DZIP1L: variants seen among roughly 807,000 people sequenced by gnomAD.
DZIP1L encodes DAZ interacting zinc finger protein 1 like.
DZIP1L carries 90 observed loss-of-function variants against 88.7 expected under a neutral mutation model. The ratio of observed to expected loss-of-function variants is 1.02; its 90% confidence interval spans 0.86 to 1.21. The LOEUF is 1.21. DZIP1L is among the 50% of genes most tolerant of loss of function. The pLI is 0.00. For missense variants in DZIP1L, 932 were observed against 955.8 expected (o/e 0.98, Z 0.33); for synonymous variants, 363 against 372.1 (o/e 0.98, Z 0.28).
intron 2 of DZIP1L, chr3:138,103,050 C>T: frequency 2.3e-6 from 1 of 434,994 alleles, no homozygotes; most frequent in Non-Finnish European, 4.2e-6. Context: ...TCCTTTATAA[C>T]ATAGTACAAG....
intron 9 of DZIP1L, 133 bp downstream of exon 9, chr3:138,081,599 GCC>G: frequency 1.2e-6 from 1 of 851,120 alleles, no homozygotes; most frequent in Non-Finnish European, 1.8e-6. Context: ...TGGCCCAGAA[GCC>G]TGACACTACA....
intron 5 of DZIP1L, among the ~76,000 whole-genome samples, chr3:138,090,623 G>A (rs1269324570): frequency 6.6e-6 from 1 of 152,034 alleles, no homozygotes; most frequent in Non-Finnish European, 1.5e-5. Flanking sequence ...TCCACCTTTG[G>A]CTTTCCATCT....
intron 9 of DZIP1L, 55 bp downstream of exon 9, chr3:138,081,678 GA>G: frequency 1.3e-6 from 2 of 1,557,270 alleles, no homozygotes; most frequent in Non-Finnish European, 1.7e-6. Context: ...AAAGGAGGGA[GA>G]AAAGCCAGAG....
At position 138,077,897 on chromosome 3, in the gene DZIP1L, G is replaced by C. The variant is rs578124972; in HGVS notation, c.1289-265C>G. 1.1e-4 allele frequency among the ~76,000 whole-genome samples: 17 copies of C among 152,240 alleles called. No homozygotes were observed. The South Asian group carries it at 3.5e-3, about 32-fold the overall frequency. ...CGTTTCCATGCCAGGCTCAATTCTG[G>C]TCCAGGTGATAAACTGGTGGACAAG... On this transcript the variant is annotated intron_variant, in intron 10 of 15. Transcript: ENST00000327532.
At chr3:138,093,218 T>C (rs1944315105) in intron 4 of DZIP1L, among the ~76,000 whole-genome samples, 1 of 152,168 alleles carries the variant, frequency 6.6e-6, no homozygotes, top group South Asian at 2.1e-4. Flanking sequence ...ACAACACAAA[T>C]CTCCTTGTAC....
chr3:138,072,079 G>A (rs980874181), intron 11 of DZIP1L, among the ~76,000 whole-genome samples: 16 of 152,222 alleles, frequency 1.1e-4, no homozygotes, highest in African/African-American at 3.9e-4. Flanking sequence ...ATAATGCAAA[G>A]GACTGCGTCA....
At chr3:138,071,923 G>T in intron 11 of DZIP1L, 88 bp from the exon 12 acceptor site, 1 of 1,313,822 alleles carries the variant, frequency 7.6e-7, no homozygotes. Flanking sequence ...CTGCTGGCCT[G>T]GGAGTCTGTG....
intron 4 of DZIP1L, among the ~76,000 whole-genome samples, chr3:138,094,577 C>T (rs2107815762): frequency 6.6e-6 from 1 of 152,242 alleles, no homozygotes; most frequent in Non-Finnish European, 1.5e-5. Flanking sequence ...GCATTGTGTA[C>T]GAAGCTAAAA....
rs114522448 is a variant in DZIP1L at position 138,088,923 on chromosome 3, C to A, written c.871-416G>T. On this transcript the variant is annotated intron_variant, in intron 5 of 15. Coordinates refer to ENST00000327532, the MANE Select transcript of DZIP1L (RefSeq NM_173543.3). ...TCCTGCCTCTCTCCCTACAAAACATCCTGGCTGTCTCCAGAAAGGGCTTTG... is the reference window on the plus strand; with the variant it reads ...TCCTGCCTCTCTCCCTACAAAACATACTGGCTGTCTCCAGAAAGGGCTTTG... The A allele has an allele frequency of 1.8e-3, 1,786 of 986,592 alleles. 26 individuals carry two copies. In the African/African-American group the frequency reaches 0.03, roughly 16 times the overall value. 61.1% of individuals were successfully genotyped at this position (986,592 alleles called of 1,614,324 possible).
At chr3:138,064,061 G>A (rs1263313084) in intron 15 of DZIP1L, among the ~76,000 whole-genome samples, 1 of 152,170 alleles carries the variant, frequency 6.6e-6, no homozygotes, top group Non-Finnish European at 1.5e-5. Flanking sequence ...ATGATGCTGG[G>A]GAAGCCCAAC....
At chr3:138,068,548 G>T (rs1255415489) in intron 12 of DZIP1L, among the ~76,000 whole-genome samples, 181 bp from the exon 13 acceptor site, 1 of 152,156 alleles carries the variant, frequency 6.6e-6, no homozygotes, top group Admixed American at 6.5e-5. Flanking sequence ...CAGATTCGAG[G>T]CTAGGACCAC....
At chr3:138,069,133 A>G in intron 12 of DZIP1L, 2 of 706,468 alleles carry the variant, frequency 2.8e-6, no homozygotes, top group Middle Eastern at 2.3e-4. Context: ...AGACAGCAAG[A>G]GCAACCCCTC....
rs561902956 is a variant in DZIP1L at position 138,069,766 on chromosome 3, G to A, written c.1616-1399C>T. 5.3e-5 allele frequency among the ~76,000 whole-genome samples: 8 copies of A among 152,228 alleles called. No homozygotes were observed. The South Asian group carries it at 1.0e-3, about 20-fold the overall frequency. ...TCTGCCCTAATCTTGGGCCCTCACC[G>A]CTACTTCCCACAGCCTTGCCCAGGC... On this transcript the variant is annotated intron_variant, in intron 12 of 15. Transcript: ENST00000327532.
intron 1 of DZIP1L, among the ~76,000 whole-genome samples, chr3:138,105,049 G>A (rs1431412050): frequency 2.0e-5 from 3 of 152,130 alleles, no homozygotes; most frequent in African/African-American, 7.2e-5. Context: ...GGAATATTAT[G>A]CAGCTATTGA....
chr3:138,085,745 T>A (rs1235289395), intron 7 of DZIP1L, among the ~76,000 whole-genome samples: 8 of 152,186 alleles, frequency 5.3e-5, no homozygotes, highest in African/African-American at 9.7e-5. Context: ...GACCCAGCCA[T>A]CCCATTACTG....
chr3:138,101,783 G>T (rs2042323077), intron 2 of DZIP1L: 7 of 1,132,440 alleles, frequency 6.2e-6, no homozygotes, highest in Non-Finnish European at 8.1e-6. Flanking sequence ...TTGATGTCCA[G>T]GGCCAGCTTG....
chr3:138,113,866 A>C (rs995300815), intron 1 of DZIP1L, among the ~76,000 whole-genome samples: 8 of 152,194 alleles, frequency 5.3e-5, no homozygotes, highest in African/African-American at 1.7e-4. Flanking sequence ...TTAAGTGGCC[A>C]TGGTTTTATC....
chr3:138,097,552 G>A (rs1944536599), intron 3 of DZIP1L, among the ~76,000 whole-genome samples: 1 of 152,194 alleles, frequency 6.6e-6, no homozygotes, highest in Admixed American at 6.5e-5. Context: ...CTACCTGTCT[G>A]ACTCCCAGCC....
At chr3:138,070,538 C>T (rs952168409) in intron 12 of DZIP1L, among the ~76,000 whole-genome samples, 4 of 152,174 alleles carry the variant, frequency 2.6e-5, no homozygotes, top group African/African-American at 9.7e-5. Flanking sequence ...CTGCTTGATA[C>T]TTGTCCAAGT....
Sources: allele counts gnomAD v4.1 joint callset (sites outside exome capture counted in the v4.1 genomes callset), GRCh38; gene constraint gnomAD v4.1.1; transcripts MANE v1.5; gene names NCBI Gene and HGNC (gene_info 2026-07-23, HGNC 2026-07-21).